ARAP1: variants seen among roughly 807,000 people sequenced by gnomAD.
ARAP1 encodes the protein ArfGAP with RhoGAP domain, ankyrin repeat and PH domain 1, also known as arf-GAP with Rho-GAP domain, ANK repeat and PH domain-containing protein 1.
In ARAP1, 76 loss-of-function variants were observed where a neutral mutation model predicts 172.2. The ratio of observed to expected loss-of-function variants is 0.44; its 90% confidence interval spans 0.37 to 0.53. The LOEUF is 0.53. Among genes scored for constraint, ARAP1 ranks in the 20% least tolerant of loss-of-function variants. The pLI is 0.00. For missense variants in ARAP1, 1,686 were observed against 1,977.5 expected, an observed-to-expected ratio of 0.85 and a Z score of 2.80; for synonymous variants, 804 against 803.3, an observed-to-expected ratio of 1.00 and a Z score of -0.01.
chr11:72,692,964 G>A (rs1856005141), intron 29 of ARAP1, 179 bp from the exon 30 acceptor site: 1 of 762,946 alleles, frequency 1.3e-6, no homozygotes. Flanking sequence ...GGAGAAGGGT[G>A]GCCCGGGAGG....
intron 1 of ARAP1, among the ~76,000 whole-genome samples, chr11:72,734,693 TA>T (rs1857959285): frequency 6.6e-6 from 1 of 152,084 alleles, no homozygotes; most frequent in Admixed American, 6.5e-5. Flanking sequence ...GCCACACACC[TA>T]AGAAGGAGGC....
chr11:72,728,981 G>A (rs2135574982), intron 2 of ARAP1, among the ~76,000 whole-genome samples: 1 of 152,314 alleles, frequency 6.6e-6, no homozygotes, highest in East Asian at 1.9e-4. Flanking sequence ...CAGGGGTGGA[G>A]GGCGGGGAGG....
rs367648910 is a variant in ARAP1 at position 72,697,184 on chromosome 11, C to T, written c.2965G>A (p.Glu989Lys). 1.7e-4 allele frequency: 265 copies of T among 1,598,526 alleles called. 1 individual carries two copies. In the Middle Eastern group the frequency reaches 2.2e-3, roughly 13 times the overall value. Residue 989 changes from glutamate (E) to lysine (K), a missense_variant, in exon 22 of 35, where the codon GAG becomes AAG. This residue lies in a region of ARAP1 where 274 missense variants were observed against 262.7 expected (regional missense o/e 1.04). Transcript: ENST00000393609. ...DYITQCGLTSEGIYRKCGQTS... is the reference protein window; with the variant it reads ...DYITQCGLTSKGIYRKCGQTS... Reference sequence around the variant, plus strand: ...TGCCCACACTTGCGGTAGATGCCCTCGGAGGTCAGGCCTAGGGAGGGGCGG... The same window carrying T: ...TGCCCACACTTGCGGTAGATGCCCTTGGAGGTCAGGCCTAGGGAGGGGCGG...
chr11:72,727,242 C>T lies in ARAP1; in HGVS notation c.-44-70G>A, dbSNP rs1180799831. 8 of 1,303,826 alleles carry T rather than the reference C, an allele frequency of 6.1e-6. No homozygotes were observed. The East Asian group carries it at 2.0e-4, about 33-fold the overall frequency. The allele number at this position is 1,303,826 out of a possible 1,614,324, so 80.8% of individuals were successfully genotyped here. On this transcript the variant is annotated intron_variant, in intron 2 of 34. Transcript: ENST00000393609. Reference sequence around the variant, plus strand: ...GATTGGTCCCCTCACCAGCAGCCTGCATGGCTCTCTCAAGCCATAGGTTCA... The same window carrying T: ...GATTGGTCCCCTCACCAGCAGCCTGTATGGCTCTCTCAAGCCATAGGTTCA...
rs142752859 is a variant in ARAP1 at position 72,701,764 on chromosome 11, C to T, written c.2187G>A (p.Ser729=). The T allele has an allele frequency of 4.5e-3, 7,197 of 1,613,730 alleles. 22 individuals carry two copies. Among genetic ancestry groups the T allele is most frequent in the Non-Finnish European group, 5.5e-3 (6,456 of 1,179,764 alleles). Residue 729 remains serine, a synonymous_variant, in exon 16 of 35, where the codon TCG becomes TCA. Coordinates refer to ENST00000393609, the MANE Select transcript of ARAP1 (RefSeq NM_001040118.3). ...AGTAGTGCTTTTCCAGGGGCTTCATCGAGTCCAGCCGAGGCACCTCTTTGT... is the reference window on the plus strand; with the variant it reads ...AGTAGTGCTTTTCCAGGGGCTTCATTGAGTCCAGCCGAGGCACCTCTTTGT... The part of the protein sequence containing the change: ...NRTTEVPRLD[S]MKPLEKHYSV...
chr11:72,687,539 G>T (rs969466618), intron 32 of ARAP1, 37 bp from the exon 33 acceptor site: 9 of 1,614,056 alleles, frequency 5.6e-6, no homozygotes, highest in Non-Finnish European at 7.6e-6. Context: ...GATGCCAAAG[G>T]CCTGACTGAG....
intron 1 of ARAP1, among the ~76,000 whole-genome samples, chr11:72,750,777 T>C (rs1471971399): frequency 6.6e-6 from 1 of 152,120 alleles, no homozygotes; most frequent in Admixed American, 6.5e-5. Context: ...ATGATCCCCA[T>C]GGCTCTGCAG....
Position 72,709,970 on chromosome 11 carries a change from G to A in ARAP1, c.1423C>T (p.His475Tyr), listed in dbSNP as rs930288749. 1.2e-6 allele frequency: 2 copies of A among 1,613,808 alleles called. No homozygotes were observed. The highest frequency in any genetic ancestry group is 1.7e-6 in the Non-Finnish European group (2 of 1,179,876). Reference sequence around the variant, plus strand: ...ATGAAGGTGATGCCAATGCCCAGGTGGTACTCCTGGAGGGCAGATGGGACG... The same window carrying A: ...ATGAAGGTGATGCCAATGCCCAGGTAGTACTCCTGGAGGGCAGATGGGACG... ...VQLYKNLEEYHLGIGITFIDM... is the reference protein window; with the variant it reads ...VQLYKNLEEYYLGIGITFIDM... The change falls in exon 11 of 35, where the codon CAC (histidine) becomes TAC (tyrosine). Residue 475 changes from histidine to tyrosine, a missense_variant. Transcript: ENST00000393609.
At chr11:72,752,196 G>A (rs1858552001) in intron 1 of ARAP1, 132 bp downstream of exon 1, 1 of 152,306 alleles carries the variant, frequency 6.6e-6, no homozygotes. Flanking sequence ...GCCCAAAAAG[G>A]TAAACAGACA....
chr11:72,744,317 T>C (rs902459824), intron 1 of ARAP1, among the ~76,000 whole-genome samples: 8 of 152,164 alleles, frequency 5.3e-5, no homozygotes, highest in African/African-American at 1.4e-4. Flanking sequence ...ATTTTACACA[T>C]GGAGAGCCAG....
chr11:72,685,475 G>T lies in ARAP1; in HGVS notation c.*189C>A. On this transcript the variant is annotated 3_prime_UTR_variant, in exon 35 of 35. Coordinates refer to ENST00000393609, the MANE Select transcript of ARAP1 (RefSeq NM_001040118.3). ...CAGAGTTGGGAGAGGTTCCTGCCCA[G>T]GCTGACCCCTGCTGCCTCCCACCCC... 1.3e-6 allele frequency: 1 copy of T among 753,558 alleles called. No homozygotes were observed. The highest frequency in any genetic ancestry group is 2.2e-6 in the Non-Finnish European group (1 of 460,458). 46.7% of individuals were successfully genotyped at this position (753,558 alleles called of 1,614,324 possible). A position where few individuals can be genotyped will look rare whatever the true frequency, so the allele number is the denominator to read the frequency against.
rs554862248 is a variant in ARAP1 at position 72,715,599 on chromosome 11, G to T, written c.510-1278C>A. ...TTTTTTTTTTTTTTTAAGAGACTGGGTCTCACTCTGTGGCAGACTGGAGTG... is the reference window on the plus strand; with the variant it reads ...TTTTTTTTTTTTTTTAAGAGACTGGTTCTCACTCTGTGGCAGACTGGAGTG... On this transcript the variant is annotated intron_variant, in intron 3 of 34. Coordinates refer to ENST00000393609, the MANE Select transcript of ARAP1 (RefSeq NM_001040118.3). Among the ~76,000 whole-genome samples the T allele has an allele frequency of 6.7e-5, 10 of 148,850 alleles. No homozygotes were observed. In the South Asian group the frequency reaches 1.9e-3, roughly 28 times the overall value.
At chr11:72,713,632 A>G (rs1004422688) in intron 4 of ARAP1, among the ~76,000 whole-genome samples, 8 of 151,952 alleles carry the variant, frequency 5.3e-5, no homozygotes, top group South Asian at 4.2e-4. Context: ...CAGATCACGA[A>G]CTCAGGAGAT....
chr11:72,705,529 C>G, intron 13 of ARAP1: 3 of 415,912 alleles, frequency 7.2e-6, no homozygotes, highest in Non-Finnish European at 1.3e-5. Flanking sequence ...TTCGGCTTTA[C>G]AGAACACATA....
intron 30 of ARAP1, among the ~76,000 whole-genome samples, chr11:72,692,092 G>C (rs944721926): frequency 6.6e-6 from 1 of 152,112 alleles, no homozygotes; most frequent in Non-Finnish European, 1.5e-5. Flanking sequence ...CTGCTGCAGG[G>C]CATCTATGCT....
chr11:72,696,619 G>A lies in ARAP1; in HGVS notation c.3202C>T (p.Arg1068Ter). 6.2e-7 allele frequency: 1 copy of A among 1,605,344 alleles called. No homozygotes were observed. Among genetic ancestry groups the A allele is most frequent in the South Asian group, 1.1e-5 (1 of 90,440 alleles). The change falls in exon 23 of 35, where the codon CGA becomes TGA. Residue 1068 changes from arginine to a stop codon, truncating the protein, a stop_gained. Coordinates refer to ENST00000393609, the MANE Select transcript of ARAP1 (RefSeq NM_001040118.3). LOFTEE classifies it high-confidence loss of function. ...EDEEEKVSRY[R>*]ELLVRLPPVN... is the part of the protein sequence containing the mutation. The stretch of plus-strand genomic sequence containing the variant: ...GGGGGCAGCCGCACCAGCAGCTCTC[G>A]GTACCTGGAGACCTTCTCCTCCTCG...
intron 11 of ARAP1, chr11:72,708,637 C>G (rs1856871830): frequency 6.6e-6 from 1 of 152,488 alleles, no homozygotes; most frequent in Non-Finnish European, 1.5e-5. Context: ...AGAGGCTGGA[C>G]AGGCACGGGC....
chr11:72,731,649 C>T (rs1857872554), intron 2 of ARAP1, among the ~76,000 whole-genome samples: 1 of 152,202 alleles, frequency 6.6e-6, no homozygotes. Context: ...ACACATTCTC[C>T]TTAAGAGTAT....
rs1206328677 is a variant in ARAP1, at chr11:72,693,547, C to A, written c.3809-77G>T. On this transcript the variant is annotated intron_variant, in intron 28 of 34. Coordinates refer to ENST00000393609, the MANE Select transcript of ARAP1 (RefSeq NM_001040118.3). The surrounding 1 kb of genome is among the most constrained non-coding windows in gnomAD (Gnocchi z 4.6). ...CTGGGTCCCAGGATGAAGGAAGCTG[C>A]CCCATCCTGCCCCAGCCTCTCCATA... is the stretch of plus-strand genomic sequence containing the variant. 6.4e-7 allele frequency: 1 copy of A among 1,557,484 alleles called. No homozygotes were observed. Among genetic ancestry groups the A allele is most frequent in the Admixed American group, 1.8e-5 (1 of 55,722 alleles).
Sources: gnomAD v4.1 joint callset for allele counts (sites outside exome capture counted in the v4.1 genomes callset) on GRCh38, gnomAD v4.1.1 for gene constraint, gnomAD v4.1.1 regional missense constraint, Gnocchi (gnomAD v3.1) non-coding constraint, MANE v1.5 for transcripts, NCBI Gene and HGNC (gene_info 2026-07-23, HGNC 2026-07-21) for gene names.